The following DPY19L3 variants were observed in gnomAD, a reference collection of about 807,000 sequenced individuals.
DPY19L3 encodes dpy-19 like C-mannosyltransferase 3.
DPY19L3 carries 51 observed loss-of-function variants against 92.3 expected under a neutral mutation model. The ratio of observed to expected loss-of-function variants is 0.55; its 90% CI spans 0.44 to 0.70. The LOEUF is 0.70. Ranked by LOEUF, DPY19L3 falls within the 30% of genes least tolerant of loss-of-function variation. DPY19L3 has a pLI of 0.00. For synonymous variants in DPY19L3, 309 were observed against 315.2 expected (o/e 0.98, Z 0.21); for missense variants, 706 against 855.9 (o/e 0.82, Z 2.18).
intron 8 of DPY19L3, among the ~76,000 whole-genome samples, chr19:32,447,754 TAGA>T (rs1366035765): frequency 3.3e-4 from 49 of 148,566 alleles, no homozygotes; most frequent in African/African-American, 1.2e-3. Flanking sequence ...GATAGATAGA[TAGA>T]TAGATAGATA....
chr19:32,457,091 A>G (rs1421316909), intron 10 of DPY19L3, among the ~76,000 whole-genome samples: 1 of 152,202 alleles, frequency 6.6e-6, no homozygotes, highest in Non-Finnish European at 1.5e-5. Flanking sequence ...CACTCTACAC[A>G]TTCAGTGACC....
chr19:32,476,545 AAAAG>A (rs1485284804), intron 16 of DPY19L3, among the ~76,000 whole-genome samples: 1 of 151,694 alleles, frequency 6.6e-6, no homozygotes, highest in Non-Finnish European at 1.5e-5. Flanking sequence ...AAAAAAAAAA[AAAAG>A]AGGAAAGGAA....
At chr19:32,478,312 C>CA (rs1440697688) in intron 17 of DPY19L3, among the ~76,000 whole-genome samples, 1 of 152,174 alleles carries the variant, frequency 6.6e-6, no homozygotes, top group African/African-American at 2.4e-5. Flanking sequence ...ACCGAGAAGA[C>CA]ACACGCCTTG....
intron 3 of DPY19L3, among the ~76,000 whole-genome samples, chr19:32,415,954 A>G (rs1968364144): frequency 1.3e-5 from 2 of 152,204 alleles, no homozygotes; most frequent in Non-Finnish European, 2.9e-5. Context: ...AACCTACATG[A>G]TATTATAGAA....
chr19:32,415,051 T>C (rs372416848), intron 3 of DPY19L3, among the ~76,000 whole-genome samples: 11 of 152,328 alleles, frequency 7.2e-5, no homozygotes, highest in African/African-American at 2.6e-4. Flanking sequence ...TGAGTAAATA[T>C]ATATTAAGCA....
At chr19:32,460,497 G>T (rs1226527510) in intron 12 of DPY19L3, among the ~76,000 whole-genome samples, 1 of 152,168 alleles carries the variant, frequency 6.6e-6, no homozygotes, top group African/African-American at 2.4e-5. Context: ...AGGACTGGAA[G>T]TTTTTCTGTG....
chr19:32,480,807 G>T, intron 18 of DPY19L3: 1 of 541,782 alleles, frequency 1.8e-6, no homozygotes, highest in Middle Eastern at 4.8e-4. Context: ...GAGCAGCTCT[G>T]CCTTCAGCTC....
chr19:32,480,271 G>A, intron 17 of DPY19L3, 128 bp from the exon 18 acceptor site: 1 of 1,034,804 alleles, frequency 9.7e-7, no homozygotes, highest in Non-Finnish European at 1.4e-6. Flanking sequence ...GTGCAGCGTG[G>A]CCTGGGCTGG....
chr19:32,408,214 T>G lies in DPY19L3; in HGVS notation c.-37-3T>G. ...CGTTGATGGCCTGTTTATTGCTATC[T>G]AGGAGTGATTTGGAGAACAATGCAT... On this transcript the variant is annotated splice_polypyrimidine_tract_variant and splice_region_variant and intron_variant, in intron 1 of 18. Coordinates refer to ENST00000392250, the MANE Select transcript of DPY19L3 (RefSeq NM_001172774.2). The G allele has an allele frequency of 6.8e-7, 1 of 1,463,438 alleles. No homozygotes were observed. The highest frequency in any genetic ancestry group is 2.3e-5 in the East Asian group (1 of 44,174). The allele number at this position is 1,463,438 out of a possible 1,614,324, so 90.7% of individuals were successfully genotyped here.
intron 3 of DPY19L3, among the ~76,000 whole-genome samples, chr19:32,420,121 G>A (rs573419167): frequency 6.6e-6 from 1 of 152,088 alleles, no homozygotes; most frequent in South Asian, 2.1e-4. Context: ...GCCTCCCAAA[G>A]TGCTGGGATT....
intron 8 of DPY19L3, among the ~76,000 whole-genome samples, chr19:32,452,189 G>A (rs1969723275): frequency 6.6e-6 from 1 of 152,194 alleles, no homozygotes; most frequent in African/African-American, 2.4e-5. Flanking sequence ...AACTCTGTGA[G>A]GAAGGTATCA....
At chr19:32,409,196 TACTC>T (rs1968090955) in intron 2 of DPY19L3, among the ~76,000 whole-genome samples, 2 of 152,204 alleles carry the variant, frequency 1.3e-5, no homozygotes, top group South Asian at 2.1e-4. Flanking sequence ...AAAAGAAATA[TACTC>T]CCATCCTGAA....
chr19:32,458,346 C>G lies in DPY19L3; in HGVS notation c.1164-5C>G, dbSNP rs370105775. Reference sequence around the variant, plus strand: ...TTAATACTTTGCTTTCCATTTGTTCCCTAGGGATTTTGATGCAAATCTCTA... The same window carrying G: ...TTAATACTTTGCTTTCCATTTGTTCGCTAGGGATTTTGATGCAAATCTCTA... On this transcript the variant is annotated splice_region_variant and splice_polypyrimidine_tract_variant and intron_variant, in intron 11 of 18. Coordinates refer to ENST00000392250, the MANE Select transcript of DPY19L3 (RefSeq NM_001172774.2). 2.5e-6 allele frequency: 4 copies of G among 1,609,502 alleles called. No homozygotes were observed. The highest frequency in any genetic ancestry group is 3.4e-5 in the Admixed American group (2 of 58,996).
At chr19:32,416,172 G>A (rs73567526) in intron 3 of DPY19L3, among the ~76,000 whole-genome samples, 5,897 of 152,266 alleles carry the variant, frequency 0.039, 362 homozygotes, top group African/African-American at 0.14. Context: ...TTGCAGAGTC[G>A]TGAACAGAGT....
intron 10 of DPY19L3, among the ~76,000 whole-genome samples, chr19:32,456,251 T>G (rs1969862666): frequency 6.6e-6 from 1 of 151,966 alleles, no homozygotes; most frequent in African/African-American, 2.4e-5. Context: ...ATTTTTGTAT[T>G]TTTTGTAGAG....
rs1215510404 is a variant in DPY19L3 at position 32,453,214 on chromosome 19, A to G, written c.925A>G (p.Met309Val). The G allele has an allele frequency of 8.1e-6, 13 of 1,613,886 alleles. No individual in the cohort carries two copies. Among genetic ancestry groups the G allele is most frequent in the African/African-American group, 4.0e-5 (3 of 74,904 alleles). ...LVCILQFFNS[M>V]ILGSLLISFN... is the part of the protein sequence containing the mutation. Reference sequence around the variant, plus strand: ...CTGCATTCTTCAGTTTTTTAATTCCATGATTCTTGGATCACTGCTTATCAG... The same window carrying G: ...CTGCATTCTTCAGTTTTTTAATTCCGTGATTCTTGGATCACTGCTTATCAG... Residue 309 changes from methionine to valine, a missense_variant, in exon 9 of 19, where the codon ATG becomes GTG. Transcript: ENST00000392250.
At chr19:32,440,068 T>G (rs1969275037) in intron 8 of DPY19L3, among the ~76,000 whole-genome samples, 158 bp downstream of exon 8, 1 of 152,212 alleles carries the variant, frequency 6.6e-6, no homozygotes, top group Non-Finnish European at 1.5e-5. Context: ...GAGTAATTTA[T>G]GAAGCCTAGT....
intron 8 of DPY19L3, among the ~76,000 whole-genome samples, chr19:32,444,041 A>C (rs1433108230): frequency 2.0e-5 from 3 of 151,820 alleles, no homozygotes; most frequent in Non-Finnish European, 4.4e-5. Flanking sequence ...TCTCAAAAAA[A>C]AAAAAAAGAA....
chr19:32,467,116 A>G (rs1168418055), intron 15 of DPY19L3, among the ~76,000 whole-genome samples: 2 of 152,226 alleles, frequency 1.3e-5, no homozygotes, highest in African/African-American at 4.8e-5. Context: ...AGACTTTAGT[A>G]AAATTAGGAC....
Sources: allele counts gnomAD v4.1 joint callset (sites outside exome capture counted in the v4.1 genomes callset), GRCh38; gene constraint gnomAD v4.1.1; transcripts MANE v1.5; gene names NCBI Gene and HGNC (gene_info 2026-07-23, HGNC 2026-07-21).